NOVA2: variants seen among roughly 807,000 people sequenced by gnomAD.
NOVA2 encodes RNA-binding protein Nova-2.
In NOVA2, 9 loss-of-function variants were observed where a neutral mutation model predicts 22.5. That is an observed-to-expected ratio of 0.40 (90% CI 0.24 to 0.70). NOVA2 has a LOEUF of 0.70. Ranked by LOEUF, NOVA2 falls within the 30% of genes least tolerant of loss-of-function variation. The pLI is 0.38. For synonymous variants in NOVA2, 318 were observed against 335.2 expected, an observed-to-expected ratio of 0.95 and a Z score of 0.56; for missense variants, 383 against 682.8, an observed-to-expected ratio of 0.56 and a Z score of 4.89.
At chr19:45,964,348 T>TTG (rs57818599) in intron 1 of NOVA2, among the ~76,000 whole-genome samples, 4,506 of 119,448 alleles carry the variant, frequency 0.038, 95 homozygotes, top group African/African-American at 0.047. Context: ...CCCGGCTAAT[T>TTG]TGTGTGTGTG....
intron 1 of NOVA2, among the ~76,000 whole-genome samples, chr19:45,964,606 G>A (rs1335831968): frequency 2.5e-5 from 2 of 78,970 alleles, no homozygotes; most frequent in African/African-American, 9.8e-5. Context: ...TGTTGCCCAG[G>A]CTGGAATACA....
intron 1 of NOVA2, among the ~76,000 whole-genome samples, chr19:45,968,554 T>A (rs1009796716): frequency 6.6e-6 from 1 of 151,798 alleles, no homozygotes; most frequent in Admixed American, 6.6e-5. Context: ...GGATGGTGGA[T>A]GGTGAAAAGG....
intron 3 of NOVA2, among the ~76,000 whole-genome samples, chr19:45,951,293 G>A (rs1304192397): frequency 6.6e-6 from 1 of 151,964 alleles, no homozygotes; most frequent in Non-Finnish European, 1.5e-5. Context: ...CCCGCAACAT[G>A]GTGAAATCCT....
chr19:45,950,703 C>A (rs1313528362), intron 3 of NOVA2, among the ~76,000 whole-genome samples: 2 of 152,138 alleles, frequency 1.3e-5, no homozygotes, highest in Admixed American at 1.3e-4. Context: ...AGTTTTAGAG[C>A]CAGAAGGACC....
intron 1 of NOVA2, among the ~76,000 whole-genome samples, chr19:45,963,922 C>T (rs79471644): frequency 3.5e-4 from 53 of 152,180 alleles, no homozygotes; most frequent in Admixed American, 6.5e-4. Context: ...AGGATGAATC[C>T]CCGTTTCATG....
At chr19:45,954,959 T>A (rs925296648) in intron 2 of NOVA2, among the ~76,000 whole-genome samples, 1 of 151,700 alleles carries the variant, frequency 6.6e-6, no homozygotes, top group African/African-American at 2.4e-5. Context: ...AGAGACTGCC[T>A]TATGAACAGA....
chr19:45,948,525 G>A (rs1967874645), intron 3 of NOVA2, among the ~76,000 whole-genome samples: 1 of 151,666 alleles, frequency 6.6e-6, no homozygotes, highest in Middle Eastern at 3.4e-3. Context: ...GCGTGAACCC[G>A]GGAGGGGGAG....
chr19:45,967,491 A>G (rs532766506), intron 1 of NOVA2: 39 of 152,340 alleles, frequency 2.6e-4, no homozygotes, highest in African/African-American at 9.4e-4. Flanking sequence ...CCTTGAGTCC[A>G]GGCAGCTCCC....
At chr19:45,966,556 C>T (rs1968170422) in intron 1 of NOVA2, among the ~76,000 whole-genome samples, 2 of 152,172 alleles carry the variant, frequency 1.3e-5, no homozygotes, top group Admixed American at 1.3e-4. Flanking sequence ...GCATGAGCCA[C>T]CGCGCCTGGC....
At chr19:45,973,230 G>T in intron 1 of NOVA2, 37 bp downstream of exon 1, 2 of 1,326,314 alleles carry the variant, frequency 1.5e-6, no homozygotes, top group Non-Finnish European at 2.0e-6. Context: ...GAGGCCCCCT[G>T]CCCGCTCCCC....
intron 2 of NOVA2, among the ~76,000 whole-genome samples, chr19:45,960,750 GAC>G (rs961212127): frequency 2.0e-5 from 3 of 152,102 alleles, no homozygotes; most frequent in African/African-American, 7.2e-5. Context: ...TGTGGGAAAA[GAC>G]ACATCTGCCA....
chr19:45,954,029 A>G, intron 2 of NOVA2, 83 bp from the exon 3 acceptor site: 1 of 1,454,810 alleles, frequency 6.9e-7, no homozygotes, highest in Non-Finnish European at 9.5e-7. Flanking sequence ...TTAATGGAAG[A>G]GGCAAGCTGA....
intron 1 of NOVA2, among the ~76,000 whole-genome samples, chr19:45,965,768 T>G (rs987569344): frequency 2.0e-5 from 3 of 152,160 alleles, no homozygotes; most frequent in Admixed American, 2.0e-4. Context: ...TGATGGGCTC[T>G]ATGCCCTTGG....
chr19:45,945,362 A>G (rs1967821120), intron 3 of NOVA2, among the ~76,000 whole-genome samples: 1 of 152,236 alleles, frequency 6.6e-6, no homozygotes, highest in African/African-American at 2.4e-5. Flanking sequence ...AATGTTTGAA[A>G]ATGGATTGTG....
chr19:45,958,219 T>C lies in NOVA2; in HGVS notation c.229+2791A>G, dbSNP rs1385536520. Among the ~76,000 whole-genome samples, 6 of 152,164 alleles carry C rather than the reference T, an allele frequency of 3.9e-5. No individual in the cohort carries two copies. In the East Asian group the frequency reaches 1.2e-3, roughly 29 times the overall value. On this transcript the variant is annotated intron_variant, in intron 2 of 3. Transcript: ENST00000263257. Reference sequence around the variant, plus strand: ...TTGCCTTTTTCTGCATTTCAGTTGCTCCATGTATGACCTGGATGGATTGAA... The same window carrying C: ...TTGCCTTTTTCTGCATTTCAGTTGCCCCATGTATGACCTGGATGGATTGAA...
chr19:45,955,211 GTGTT>G (rs1967987243), intron 2 of NOVA2, among the ~76,000 whole-genome samples: 1 of 152,166 alleles, frequency 6.6e-6, no homozygotes, highest in Non-Finnish European at 1.5e-5. Context: ...GTGTGTACGT[GTGTT>G]TGTGAAAGTG....
At chr19:45,948,599 CAAA>C (rs1227808626) in intron 3 of NOVA2, among the ~76,000 whole-genome samples, 8 of 72,664 alleles carry the variant, frequency 1.1e-4, no homozygotes, top group Admixed American at 4.8e-4. Context: ...GACTCTGTCT[CAAA>C]AAAAAAAAAA....
chr19:45,966,191 C>G (rs545737350), intron 1 of NOVA2, among the ~76,000 whole-genome samples: 3 of 152,300 alleles, frequency 2.0e-5, no homozygotes, highest in Admixed American at 6.5e-5. Context: ...CTCAGCCTCT[C>G]TCTAATTCCT....
chr19:45,954,005 G>A (rs1276599549), intron 2 of NOVA2, 59 bp from the exon 3 acceptor site: 31 of 1,556,016 alleles, frequency 2.0e-5, no homozygotes, highest in Admixed American at 5.1e-5. Flanking sequence ...ACATTCCTGA[G>A]AGACAGGCCC....
Sources: allele counts gnomAD v4.1 joint callset (sites outside exome capture counted in the v4.1 genomes callset), GRCh38; gene constraint gnomAD v4.1.1; transcripts MANE v1.5; gene names NCBI Gene and HGNC (gene_info 2026-07-23, HGNC 2026-07-21).